The following PGAP1 variants were observed in gnomAD, a reference collection of about 807,000 sequenced individuals.
The protein encoded by PGAP1 is post-GPI attachment to proteins inositol deacylase 1.
A neutral mutation model predicts 127.0 loss-of-function variants in PGAP1; 76 were observed. That is an observed-to-expected ratio of 0.60 (90% CI 0.50 to 0.72). The LOEUF (loss-of-function observed/expected upper bound fraction) is 0.72. PGAP1 is among the 30% of genes least tolerant of loss of function. The pLI, the probability that PGAP1 is intolerant of heterozygous loss-of-function variation, is 0.00. For synonymous variants in PGAP1, 362 were observed against 366.5 expected, an observed-to-expected ratio of 0.99 and a Z score of 0.14; for missense variants, 982 against 1,071.3, an observed-to-expected ratio of 0.92 and a Z score of 1.16.
rs138480274 is a variant in PGAP1, at chr2:196,878,931, C to T, written c.1350+1145G>A. The stretch of plus-strand genomic sequence containing the variant: ...GAATGTGACTAGGACAATTAGGGAA[C>T]AGAATTTTTTATTTTATATTAACTT... On this transcript the variant is annotated intron_variant, in intron 13 of 26. Coordinates refer to ENST00000354764, the MANE Select transcript of PGAP1 (RefSeq NM_024989.4). Among the ~76,000 whole-genome samples the T allele has an allele frequency of 1.1e-3, 163 of 152,290 alleles. No homozygotes were observed. The East Asian group carries it at 0.019, about 18-fold the overall frequency.
At chr2:196,903,597 T>C (rs1702576874) in intron 4 of PGAP1, among the ~76,000 whole-genome samples, 1 of 150,228 alleles carries the variant, frequency 6.7e-6, no homozygotes, top group South Asian at 2.1e-4. Context: ...GAAAAAGGCT[T>C]AGCAAATCTC....
intron 5 of PGAP1, among the ~76,000 whole-genome samples, chr2:196,898,600 G>A (rs1249325388): frequency 6.6e-6 from 1 of 152,008 alleles, no homozygotes; most frequent in African/African-American, 2.4e-5. Flanking sequence ...CTCCTGGTTA[G>A]TCAAGTTTAA....
chr2:196,899,512 G>A (rs1168665440), intron 5 of PGAP1, among the ~76,000 whole-genome samples: 2 of 152,216 alleles, frequency 1.3e-5, no homozygotes, highest in Non-Finnish European at 2.9e-5. Flanking sequence ...GGTCAGTAGA[G>A]TAAGAACTCT....
intron 26 of PGAP1, 150 bp from the exon 27 acceptor site, chr2:196,841,522 CTTT>C (rs1700412361): frequency 3.0e-6 from 2 of 667,394 alleles, no homozygotes; most frequent in Non-Finnish European, 4.8e-6. Flanking sequence ...TTCATAATTT[CTTT>C]TTTTATTTTT....
intron 3 of PGAP1, among the ~76,000 whole-genome samples, chr2:196,915,661 T>A (rs547989296): frequency 6.6e-6 from 1 of 152,284 alleles, no homozygotes; most frequent in East Asian, 1.9e-4. Flanking sequence ...GATCTGACAA[T>A]TTCTCATCAC....
intron 12 of PGAP1, 25 bp downstream of exon 12, chr2:196,885,399 T>C: frequency 6.5e-7 from 1 of 1,542,948 alleles, no homozygotes; most frequent in Non-Finnish European, 8.9e-7. Context: ...CAACTGAATA[T>C]TAAAATTCTG....
chr2:196,904,171 A>C (rs555139565), intron 4 of PGAP1, among the ~76,000 whole-genome samples: 1 of 152,228 alleles, frequency 6.6e-6, no homozygotes, highest in Non-Finnish European at 1.5e-5. Flanking sequence ...GTTCAAATTA[A>C]GAATTCTCAG....
intron 20 of PGAP1, among the ~76,000 whole-genome samples, chr2:196,861,014 A>G (rs1167560529): frequency 2.0e-5 from 3 of 152,226 alleles, no homozygotes; most frequent in Non-Finnish European, 2.9e-5. Flanking sequence ...AACATAATAG[A>G]GAACCCAGAA....
chr2:196,875,999 C>T (rs945559562), intron 13 of PGAP1, among the ~76,000 whole-genome samples, 178 bp from the exon 14 acceptor site: 1 of 152,050 alleles, frequency 6.6e-6, no homozygotes, highest in African/African-American at 2.4e-5. Flanking sequence ...AGGAGAGATA[C>T]TATGCTGAGA....
chr2:196,873,615 G>A, intron 15 of PGAP1, 36 bp from the exon 16 acceptor site: 1 of 1,599,064 alleles, frequency 6.3e-7, no homozygotes, highest in East Asian at 2.2e-5. Context: ...AAATATAAAG[G>A]TTTACTTGTA....
intron 10 of PGAP1, among the ~76,000 whole-genome samples, chr2:196,889,519 A>C (rs1702027040): frequency 1.4e-5 from 2 of 141,938 alleles, no homozygotes; most frequent in South Asian, 2.2e-4. Context: ...GAGATATGCC[A>C]AAAAAAAAAA....
chr2:196,912,814 C>A, intron 4 of PGAP1, 68 bp downstream of exon 4: 1 of 1,412,640 alleles, frequency 7.1e-7, no homozygotes. Flanking sequence ...AGGGGAATAG[C>A]CACAGAGATT....
chr2:196,870,777 G>T (rs1405409856), intron 19 of PGAP1, among the ~76,000 whole-genome samples, 164 bp downstream of exon 19: 2 of 152,134 alleles, frequency 1.3e-5, no homozygotes, highest in Non-Finnish European at 1.5e-5. Flanking sequence ...AAAAAAGGAA[G>T]AAGACAGAAG....
intron 20 of PGAP1, among the ~76,000 whole-genome samples, chr2:196,858,401 C>CAAAAAAAAAAAAA (rs562384054): frequency 9.2e-5 from 12 of 130,418 alleles, no homozygotes; most frequent in African/African-American, 3.4e-4. Flanking sequence ...GACTCCGTCT[C>CAAAAAAAAAAAAA]AAAAAAAAAA....
At chr2:196,854,229 G>C (rs895261439) in intron 20 of PGAP1, among the ~76,000 whole-genome samples, 1 of 151,726 alleles carries the variant, frequency 6.6e-6, no homozygotes, top group Non-Finnish European at 1.5e-5. Context: ...TTTTTACCTA[G>C]AATTAATTTT....
intron 3 of PGAP1, among the ~76,000 whole-genome samples, chr2:196,914,828 T>G (rs77809392): frequency 3.3e-5 from 5 of 151,538 alleles, no homozygotes; most frequent in South Asian, 4.2e-4. Context: ...TTTTTTTTTT[T>G]TCTGAGACAG....
intron 1 of PGAP1, among the ~76,000 whole-genome samples, chr2:196,920,920 A>G (rs1223109046): frequency 6.6e-6 from 1 of 152,108 alleles, no homozygotes; most frequent in Non-Finnish European, 1.5e-5. Context: ...TCAGCTTAGT[A>G]TAAATTATCT....
At chr2:196,880,385 T>C (rs1192976536) in intron 12 of PGAP1, among the ~76,000 whole-genome samples, 5 of 152,026 alleles carry the variant, frequency 3.3e-5, no homozygotes, top group African/African-American at 7.2e-5. Context: ...AAATATTCTT[T>C]GGATCCCTTC....
In PGAP1 at chr2:196,926,672, CG is replaced by C; in HGVS notation, c.-57del. 6.2e-7 allele frequency: 1 copy of C among 1,610,130 alleles called. No individual in the cohort carries two copies. The highest frequency in any genetic ancestry group is 8.5e-7 in the Non-Finnish European group (1 of 1,178,310). On this transcript the variant is annotated 5_prime_UTR_variant, in exon 1 of 27. Transcript: ENST00000354764. ...GCCCCCTCTACCTCCTTCTCCGCCGCGGGGCCCCAAGCCCGGACTGAGCGTG... is the reference window on the plus strand; with the variant it reads ...GCCCCCTCTACCTCCTTCTCCGCCGCGGGCCCCAAGCCCGGACTGAGCGTG...
Sources: allele counts gnomAD v4.1 joint callset (sites outside exome capture counted in the v4.1 genomes callset), GRCh38; gene constraint gnomAD v4.1.1; transcripts MANE v1.5; gene names NCBI Gene and HGNC (gene_info 2026-07-23, HGNC 2026-07-21).